MYO3B: variants seen among roughly 807,000 people sequenced by gnomAD.
The protein encoded by MYO3B is myosin-IIIb.
A neutral mutation model predicts 174.6 loss-of-function variants in MYO3B; 156 were observed. The observed-to-expected ratio is 0.89, with a 90% CI of 0.78 to 1.02. MYO3B has a LOEUF of 1.02. Ranked by LOEUF, MYO3B falls within the 50% of genes least tolerant of loss-of-function variation. MYO3B has a pLI of 0.00. For synonymous variants in MYO3B, 563 were observed against 569.1 expected, an observed-to-expected ratio of 0.99 and a Z score of 0.15; for missense variants, 1,632 against 1,639.4, an observed-to-expected ratio of 1.00 and a Z score of 0.08.
rs1326673444 is a variant in MYO3B at position 170,206,542 on chromosome 2, G to A, written c.321+6258G>A. Among the ~76,000 whole-genome samples, 1 of 152,164 alleles carries A rather than the reference G, an allele frequency of 6.6e-6. No individual in the cohort carries two copies. Among genetic ancestry groups the A allele is most frequent in the African/African-American group, 2.4e-5 (1 of 41,450 alleles). On this transcript the variant is annotated intron_variant, in intron 3 of 34. Coordinates refer to ENST00000408978, the MANE Select transcript of MYO3B (RefSeq NM_138995.5). This position sits in a 1 kb window ranked among gnomAD's most constrained non-coding sequence, Gnocchi z 4.3. ...AATAACTGAACTAAACTGGGTTCTT[G>A]AGCCCCCAGCCTGACTAAAGGAGGC...
intron 32 of MYO3B, among the ~76,000 whole-genome samples, chr2:170,609,797 T>C (rs532468548): frequency 6.6e-6 from 1 of 152,326 alleles, no homozygotes; most frequent in African/African-American, 2.4e-5. Flanking sequence ...CCAGTGTCCA[T>C]ATCTCAGATC....
chr2:170,562,783 C>A (rs1467849886), intron 32 of MYO3B, among the ~76,000 whole-genome samples: 1 of 152,086 alleles, frequency 6.6e-6, no homozygotes, highest in African/African-American at 2.4e-5. Flanking sequence ...AGTTTACATC[C>A]TTCCTTTATA....
chr2:170,362,846 A>C (rs1185406581), intron 8 of MYO3B, among the ~76,000 whole-genome samples: 2 of 152,216 alleles, frequency 1.3e-5, no homozygotes, highest in African/African-American at 2.4e-5. Context: ...CATACACAGC[A>C]TCAAGTTTCT....
rs546577069 is a variant in MYO3B at position 170,514,961 on chromosome 2, C to G, written c.3411C>G (p.Val1137=). The change falls in exon 29 of 35, where the codon GTC becomes GTG. Residue 1137 remains valine (V), a synonymous_variant. Transcript: ENST00000408978. The part of the protein sequence containing the change: ...SNQSSGPHSP[V]AAGTRGSAEV... ...AAAGCAGTGGGCCACATTCCCCCGT[C>G]GCAGCAGGTACGAGGGGAAGTGCCG... 1 of 1,613,766 alleles carries G rather than the reference C, an allele frequency of 6.2e-7. No homozygotes were observed. The highest frequency in any genetic ancestry group is 1.3e-5 in the African/African-American group (1 of 74,884).
intron 7 of MYO3B, among the ~76,000 whole-genome samples, chr2:170,270,047 A>G (rs930164629): frequency 6.6e-6 from 1 of 152,226 alleles, no homozygotes; most frequent in African/African-American, 2.4e-5. Context: ...ATTATGCACA[A>G]TATAGTCCTA....
chr2:170,539,170 C>T (rs1328861314), intron 30 of MYO3B, among the ~76,000 whole-genome samples: 2 of 152,136 alleles, frequency 1.3e-5, no homozygotes, highest in Admixed American at 6.5e-5. Context: ...TTTCAGAATA[C>T]TGACTTTTTC....
At chr2:170,398,899 G>GA (rs965253444) in intron 16 of MYO3B, among the ~76,000 whole-genome samples, 2 of 152,136 alleles carry the variant, frequency 1.3e-5, no homozygotes, top group Non-Finnish European at 2.9e-5. Context: ...GTGTTTGGTT[G>GA]AAAAATATCT....
At chr2:170,316,256 A>C (rs1446482931) in intron 7 of MYO3B, among the ~76,000 whole-genome samples, 2 of 151,326 alleles carry the variant, frequency 1.3e-5, no homozygotes, top group Non-Finnish European at 3.0e-5. Context: ...TTAAAAGCTA[A>C]TTAATTATTT....
intron 32 of MYO3B, among the ~76,000 whole-genome samples, chr2:170,628,055 C>A (rs920538602): frequency 5.3e-5 from 8 of 152,160 alleles, no homozygotes; most frequent in Non-Finnish European, 7.4e-5. Context: ...GCTGGGAGAA[C>A]CACTACTCTC....
At chr2:170,212,757 C>G (rs1284323933) in intron 3 of MYO3B, among the ~76,000 whole-genome samples, 9 of 152,212 alleles carry the variant, frequency 5.9e-5, no homozygotes, top group Non-Finnish European at 1.0e-4. Flanking sequence ...CTGCATAAGG[C>G]GTGAATTCCC....
chr2:170,580,943 A>C (rs1693108847), intron 32 of MYO3B, among the ~76,000 whole-genome samples: 1 of 152,064 alleles, frequency 6.6e-6, no homozygotes, highest in Admixed American at 6.5e-5. Flanking sequence ...TTGGTTGTTC[A>C]TGATTTCTCG....
chr2:170,437,334 G>A (rs563416193), intron 22 of MYO3B, among the ~76,000 whole-genome samples: 4 of 152,086 alleles, frequency 2.6e-5, no homozygotes, highest in African/African-American at 7.2e-5. Context: ...GAAGGAATTT[G>A]AGAAAATGAC....
intron 7 of MYO3B, chr2:170,332,427 AC>A (rs1320361889): frequency 1.3e-5 from 2 of 152,206 alleles, no homozygotes; most frequent in Non-Finnish European, 2.9e-5. Context: ...AGGAGCACTC[AC>A]AAATGAAACA....
chr2:170,527,801 G>A (rs992060703), intron 30 of MYO3B, among the ~76,000 whole-genome samples: 1 of 152,196 alleles, frequency 6.6e-6, no homozygotes, highest in Non-Finnish European at 1.5e-5. Context: ...TACCTAGTAC[G>A]TAGTTAAGTG....
intron 1 of MYO3B, among the ~76,000 whole-genome samples, chr2:170,190,200 A>AGT (rs1379504948): frequency 6.6e-6 from 1 of 152,100 alleles, no homozygotes. Context: ...AAACAAACAG[A>AGT]GTCTCTGTCT....
At chr2:170,526,006 C>T (rs1688975486) in intron 30 of MYO3B, among the ~76,000 whole-genome samples, 1 of 152,178 alleles carries the variant, frequency 6.6e-6, no homozygotes, top group African/African-American at 2.4e-5. Flanking sequence ...AAAATGGCAG[C>T]ATGATGTGGG....
At chr2:170,503,950 C>T (rs527846209) in intron 28 of MYO3B, among the ~76,000 whole-genome samples, 1 of 152,170 alleles carries the variant, frequency 6.6e-6, no homozygotes, top group Non-Finnish European at 1.5e-5. Flanking sequence ...GGGCAGTTTA[C>T]TTTTACTTGG....
Position 170,276,846 on chromosome 2 carries a change from G to A in MYO3B, c.749+40710G>A, listed in dbSNP as rs976912008. On this transcript the variant is annotated intron_variant, in intron 7 of 34. Transcript: ENST00000408978. Reference sequence around the variant, plus strand: ...AGCAACTGTTTTTTTGCTTTATAATGTATTTATGTGGATCATCATTCTCAT... The same window carrying A: ...AGCAACTGTTTTTTTGCTTTATAATATATTTATGTGGATCATCATTCTCAT... Among the ~76,000 whole-genome samples the A allele has an allele frequency of 3.2e-4, 48 of 152,108 alleles. 1 individual carries two copies. Among genetic ancestry groups the A allele is most frequent in the African/African-American group, 9.7e-4 (40 of 41,406 alleles).
At chr2:170,631,557 A>AAGAT (rs1696979507) in intron 32 of MYO3B, among the ~76,000 whole-genome samples, 1 of 152,008 alleles carries the variant, frequency 6.6e-6, no homozygotes, top group African/African-American at 2.4e-5. Context: ...GAACACCACA[A>AAGAT]AGATAGATAC....
Sources: allele counts gnomAD v4.1 joint callset (sites outside exome capture counted in the v4.1 genomes callset), GRCh38; gene constraint gnomAD v4.1.1; non-coding constraint Gnocchi (gnomAD v3.1); transcripts MANE v1.5; gene names NCBI Gene and HGNC (gene_info 2026-07-23, HGNC 2026-07-21).